Variants in KYNU observed in about 807,000 individuals in gnomAD.
The protein encoded by KYNU is L-kynurenine hydrolase.
In KYNU, 54 loss-of-function variants were observed where a neutral mutation model predicts 59.2. That is an observed-to-expected ratio of 0.91 (90% CI 0.73 to 1.14). The LOEUF (loss-of-function observed/expected upper bound fraction) is 1.14, where lower values mean the gene tolerates loss of function less well. KYNU is among the 50% of genes most tolerant of loss of function. The pLI is 0.00. For missense variants in KYNU, 567 were observed against 554.4 expected (o/e 1.02, Z -0.23); for synonymous variants, 177 against 192.0 (o/e 0.92, Z 0.65).
chr2:142,911,411 A>C (rs1278669321), intron 2 of KYNU, among the ~76,000 whole-genome samples: 1 of 152,128 alleles, frequency 6.6e-6, no homozygotes, highest in Admixed American at 6.5e-5. Flanking sequence ...TGTTGATTTT[A>C]TATTCTGAAA....
rs540255429 is a variant in KYNU at position 143,047,549 on chromosome 2, C to CTCTT, written c.*5397_*5400dup. 40 of 150,646 alleles carry CTCTT rather than the reference C, an allele frequency of 2.7e-4. 1 individual carries two copies. Among genetic ancestry groups the CTCTT allele is most frequent in the Middle Eastern group, 3.4e-3 (1 of 294 alleles). 9.3% of individuals were successfully genotyped at this position (150,646 alleles called of 1,614,324 possible). On this transcript the variant is annotated 3_prime_UTR_variant, in exon 14 of 14. Transcript: ENST00000264170. The stretch of plus-strand genomic sequence containing the variant: ...TTTCTTTCTCTCTCTTTCTCTTTCT[C>CTCTT]TCTTTCTTTCTTTCTTTCTTTCTCA...
At chr2:142,922,923 G>T (rs1387244959) in intron 3 of KYNU, among the ~76,000 whole-genome samples, 1 of 152,202 alleles carries the variant, frequency 6.6e-6, no homozygotes, top group Admixed American at 6.5e-5. Flanking sequence ...GGAAGTCCAA[G>T]ATCAAGGTGC....
intron 8 of KYNU, among the ~76,000 whole-genome samples, chr2:142,965,135 G>A (rs1209386969): frequency 6.6e-6 from 1 of 152,118 alleles, no homozygotes; most frequent in African/African-American, 2.4e-5. Context: ...TCATACAATA[G>A]GAAATAGCCT....
At chr2:142,929,404 C>T (rs1352632225) in intron 4 of KYNU, among the ~76,000 whole-genome samples, 8 of 150,128 alleles carry the variant, frequency 5.3e-5, no homozygotes, top group Admixed American at 4.7e-4. Context: ...TCCTAATCTC[C>T]CAATGGCAAA....
intron 1 of KYNU, among the ~76,000 whole-genome samples, chr2:142,880,050 C>G (rs1366930004): frequency 6.6e-6 from 1 of 152,010 alleles, no homozygotes; most frequent in Non-Finnish European, 1.5e-5. Flanking sequence ...GAGAGGGTGC[C>G]CTTCTAGTAA....
intron 11 of KYNU, among the ~76,000 whole-genome samples, chr2:143,031,353 T>G (rs1686731158): frequency 6.6e-6 from 1 of 152,194 alleles, no homozygotes; most frequent in South Asian, 2.1e-4. Flanking sequence ...AAATACTCAA[T>G]TCCGTCATTG....
intron 8 of KYNU, among the ~76,000 whole-genome samples, chr2:142,972,827 G>C (rs1021904357): frequency 6.7e-6 from 1 of 149,964 alleles, no homozygotes; most frequent in Non-Finnish European, 1.5e-5. Flanking sequence ...GAGAGAGAGA[G>C]AGAGAGAGAG....
intron 2 of KYNU, among the ~76,000 whole-genome samples, 177 bp downstream of exon 2, chr2:142,885,713 C>T (rs1378238453): frequency 6.6e-6 from 1 of 152,176 alleles, no homozygotes; most frequent in Non-Finnish European, 1.5e-5. Context: ...ACCTTAGCCT[C>T]AAATTATCTG....
chr2:143,055,681 A>T lies in KYNU; in HGVS notation c.*13509A>T, dbSNP rs1365753945. On this transcript the variant is annotated 3_prime_UTR_variant, in exon 14 of 14. Coordinates refer to ENST00000264170, the MANE Select transcript of KYNU (RefSeq NM_003937.3). The stretch of plus-strand genomic sequence containing the variant: ...AAGGAAGGAAGGAAGGAAGGAAGGA[A>T]GGAAAGGGAGGAGAGGAGAGGAGAG... 6.6e-6 allele frequency: 1 copy of T among 151,464 alleles called. No individual in the cohort carries two copies. The highest frequency in any genetic ancestry group is 1.5e-5 in the Non-Finnish European group (1 of 67,846). 9.4% of individuals were successfully genotyped at this position (151,464 alleles called of 1,614,324 possible). A position where few individuals can be genotyped will look rare whatever the true frequency, so the allele number is the denominator to read the frequency against.
chr2:142,951,745 G>T (rs1445461918), intron 4 of KYNU, among the ~76,000 whole-genome samples: 6 of 152,232 alleles, frequency 3.9e-5, no homozygotes, highest in African/African-American at 1.4e-4. Context: ...ACAAAGGTCA[G>T]TAGCAGATGA....
intron 4 of KYNU, among the ~76,000 whole-genome samples, chr2:142,933,009 G>A (rs916670827): frequency 3.9e-5 from 6 of 152,186 alleles, no homozygotes; most frequent in African/African-American, 1.2e-4. Flanking sequence ...TATGAATAGA[G>A]CATACAGTTG....
At chr2:142,921,323 C>T (rs1206423676) in intron 3 of KYNU, among the ~76,000 whole-genome samples, 2 of 152,202 alleles carry the variant, frequency 1.3e-5, no homozygotes, top group Non-Finnish European at 1.5e-5. Flanking sequence ...GTCCATCTAC[C>T]TCTGAGGATG....
intron 11 of KYNU, among the ~76,000 whole-genome samples, chr2:143,032,903 A>G (rs937353034): frequency 1.3e-5 from 2 of 152,144 alleles, no homozygotes; most frequent in African/African-American, 4.8e-5. Context: ...TCATAATAGA[A>G]TAGCAAATGT....
At chr2:142,988,782 A>G (rs1685301930) in intron 10 of KYNU, 4 of 1,159,682 alleles carry the variant, frequency 3.4e-6, no homozygotes, top group Admixed American at 3.4e-5. Flanking sequence ...CAGTGCTGTC[A>G]ACTTCTAGCC....
At chr2:142,988,320 C>T (rs1685284232) in intron 10 of KYNU, among the ~76,000 whole-genome samples, 1 of 151,904 alleles carries the variant, frequency 6.6e-6, no homozygotes, top group Non-Finnish European at 1.5e-5. Context: ...GATCATTTCT[C>T]TTAAGCAGAA....
chr2:142,973,588 T>C (rs1454056359), intron 8 of KYNU, among the ~76,000 whole-genome samples: 2 of 152,078 alleles, frequency 1.3e-5, no homozygotes, highest in Non-Finnish European at 2.9e-5. Flanking sequence ...CAGCTTTCCC[T>C]CTAATTAAGA....
At chr2:142,976,502 G>A (rs1371947112) in intron 8 of KYNU, among the ~76,000 whole-genome samples, 2 of 152,096 alleles carry the variant, frequency 1.3e-5, no homozygotes, top group Non-Finnish European at 2.9e-5. Context: ...CTAGGACAAC[G>A]GGGTTTTTCC....
chr2:142,887,030 C>T (rs1681539145), intron 2 of KYNU, among the ~76,000 whole-genome samples: 1 of 152,030 alleles, frequency 6.6e-6, no homozygotes, highest in Admixed American at 6.6e-5. Context: ...ATTAGCCGGG[C>T]GTAGTGGCGG....
chr2:142,989,204 G>T, intron 10 of KYNU: 1 of 337,578 alleles, frequency 3.0e-6, no homozygotes, highest in Non-Finnish European at 5.2e-6. Context: ...TTTAAACTTT[G>T]AGTAAACTTT....
Sources: allele counts gnomAD v4.1 joint callset (sites outside exome capture counted in the v4.1 genomes callset), GRCh38; gene constraint gnomAD v4.1.1; transcripts MANE v1.5; gene names NCBI Gene and HGNC (gene_info 2026-07-23, HGNC 2026-07-21).